PCNT: variants seen among roughly 807,000 people sequenced by gnomAD.
PCNT encodes the protein kendrin.
Under a neutral mutation model 380.4 loss-of-function variants are expected in PCNT, and 319 were observed. The observed-to-expected ratio is 0.84, with a 90% CI of 0.77 to 0.92. The LOEUF is 0.92. Ranked by LOEUF, PCNT falls within the 40% of genes least tolerant of loss-of-function variation. The pLI is 0.00. For missense variants in PCNT, 4,400 were observed against 4,255.3 expected (o/e 1.03, Z -0.95); for synonymous variants, 1,845 against 1,735.2 (o/e 1.06, Z -1.57).
intron 10 of PCNT, 126 bp from the exon 11 acceptor site, chr21:46,353,861 T>C (rs2146669380): frequency 1.3e-6 from 1 of 788,660 alleles, no homozygotes. Context: ...ACATGGACAT[T>C]GCCCGTCCTT....
At chr21:46,373,657 C>T (rs2147034315) in intron 15 of PCNT, among the ~76,000 whole-genome samples, 1 of 149,696 alleles carries the variant, frequency 6.7e-6, no homozygotes, top group Admixed American at 6.7e-5. Flanking sequence ...GATCTCTTGA[C>T]CTCGTGATCC....
At chr21:46,444,151 G>A (rs922170522) in intron 45 of PCNT, among the ~76,000 whole-genome samples, 19 of 152,196 alleles carry the variant, frequency 1.2e-4, no homozygotes, top group African/African-American at 4.3e-4. Flanking sequence ...TCTGGTGCCC[G>A]AGAGCCCGGT....
intron 15 of PCNT, among the ~76,000 whole-genome samples, chr21:46,379,024 G>C (rs2085421568): frequency 6.6e-6 from 1 of 152,148 alleles, no homozygotes; most frequent in South Asian, 2.1e-4. Context: ...ATTCAGGTCT[G>C]GTGCCTTATG....
chr21:46,418,869 G>A (rs1320221619), intron 31 of PCNT, among the ~76,000 whole-genome samples: 2 of 152,248 alleles, frequency 1.3e-5, no homozygotes, highest in Admixed American at 6.5e-5. Flanking sequence ...CCCGGACCTC[G>A]TGGCGGGAGG....
At chr21:46,443,591 C>T (rs1030261967) in intron 44 of PCNT, among the ~76,000 whole-genome samples, 20 of 152,284 alleles carry the variant, frequency 1.3e-4, no homozygotes, top group Admixed American at 7.2e-4. Context: ...CCCGCACTCC[C>T]CCGGAGACGG....
intron 21 of PCNT, among the ~76,000 whole-genome samples, chr21:46,393,915 T>C (rs2086120802): frequency 6.6e-6 from 1 of 152,198 alleles, no homozygotes. Context: ...AAGCTGAGGC[T>C]TACCATGGGC....
At chr21:46,401,410 G>A in intron 25 of PCNT, 141 bp from the exon 26 acceptor site, 1 of 712,158 alleles carries the variant, frequency 1.4e-6, no homozygotes, top group Non-Finnish European at 2.5e-6. Flanking sequence ...GTTGCCTGGT[G>A]TGTCACTGAG....
intron 16 of PCNT, among the ~76,000 whole-genome samples, chr21:46,384,638 CAG>C (rs1213490996): frequency 6.9e-6 from 1 of 144,044 alleles, no homozygotes; most frequent in Non-Finnish European, 1.5e-5. Context: ...GGTGTGCATT[CAG>C]GGGCGGAAGT....
At chr21:46,412,466 CTT>C (rs1216680256) in intron 28 of PCNT, among the ~76,000 whole-genome samples, 2 of 152,138 alleles carry the variant, frequency 1.3e-5, no homozygotes, top group African/African-American at 4.8e-5. Flanking sequence ...GCGAGCTCTT[CTT>C]TTGGAGCTGG....
At position 46,430,503 on chromosome 21, in the gene PCNT, G is replaced by C. The variant is rs76287849; in HGVS notation, c.7914-4G>C. On this transcript the variant is annotated splice_polypyrimidine_tract_variant and splice_region_variant and intron_variant, in intron 36 of 46. Coordinates refer to ENST00000359568, the MANE Select transcript of PCNT (RefSeq NM_006031.6). ...TCAGATTGTTCTGCGATGTCTCCAC[G>C]CAGATCCATGCTGAGCAGTAAGGAG... The C allele has an allele frequency of 1.0e-5, 16 of 1,550,710 alleles. No homozygotes were observed. In the South Asian group the frequency reaches 1.5e-4, roughly 15 times the overall value.
Position 46,411,356 on chromosome 21 carries a change from C to T in PCNT, c.5283C>T (p.His1761=), listed in dbSNP as rs763259541. 1.9e-6 allele frequency: 3 copies of T among 1,614,116 alleles called. No individual in the cohort carries two copies. The highest frequency in any genetic ancestry group is 4.5e-5 in the East Asian group (2 of 44,876). The change falls in exon 28 of 47, where the codon CAC becomes CAT. Residue 1761 remains histidine, a synonymous_variant. Transcript: ENST00000359568. ...HELSLMGPVV[H]EVSDSQAGSL... is the part of the protein sequence containing the mutation. ...TGTCCCTCATGGGGCCTGTGGTGCA[C>T]GAAGTCAGCGACAGTCAGGCTGGCA...
intron 20 of PCNT, 136 bp downstream of exon 20, chr21:46,390,968 T>C (rs2086010930): frequency 8.2e-7 from 1 of 1,218,102 alleles, no homozygotes; most frequent in East Asian, 2.5e-5. Flanking sequence ...GAGGCACCCA[T>C]GGTTTGGGAG....
chr21:46,409,333 C>T (rs933389761), intron 27 of PCNT, among the ~76,000 whole-genome samples: 45 of 151,006 alleles, frequency 3.0e-4, no homozygotes, highest in African/African-American at 1.1e-3. Context: ...GGATTACAGG[C>T]ACCTGCCACT....
At chr21:46,421,642 C>T (rs1386695716) in intron 31 of PCNT, among the ~76,000 whole-genome samples, 1 of 152,222 alleles carries the variant, frequency 6.6e-6, no homozygotes, top group Non-Finnish European at 1.5e-5. Flanking sequence ...TGAGCTTGCC[C>T]AGGCCATCTG....
At chr21:46,329,401 T>TA (rs1178545667) in intron 2 of PCNT, among the ~76,000 whole-genome samples, 1 of 152,238 alleles carries the variant, frequency 6.6e-6, no homozygotes, top group Non-Finnish European at 1.5e-5. Flanking sequence ...CAGAAAGGAA[T>TA]AGAGTTGTTG....
At chr21:46,424,607 G>A (rs1287170192) in intron 32 of PCNT, among the ~76,000 whole-genome samples, 1 of 152,232 alleles carries the variant, frequency 6.6e-6, no homozygotes, top group Non-Finnish European at 1.5e-5. Flanking sequence ...ATCTAGAAAA[G>A]CATATTAAAA....
At chr21:46,342,639 C>G (rs772947314) in intron 3 of PCNT, among the ~76,000 whole-genome samples, 23 of 151,636 alleles carry the variant, frequency 1.5e-4, no homozygotes, top group Non-Finnish European at 2.9e-4. Context: ...CTCCCGGGTT[C>G]AAGTGATTCT....
At position 46,326,370 on chromosome 21, in the gene PCNT, T is replaced by G; in HGVS notation, c.55-7T>G. 1.2e-6 allele frequency: 2 copies of G among 1,614,114 alleles called. No individual in the cohort carries two copies. The highest frequency in any genetic ancestry group is 1.7e-6 in the Non-Finnish European group (2 of 1,179,930). On this transcript the variant is annotated splice_region_variant and splice_polypyrimidine_tract_variant and intron_variant, in intron 1 of 46. Coordinates refer to ENST00000359568, the MANE Select transcript of PCNT (RefSeq NM_006031.6). ...TGCCTTTACTACTTATCTACATTTT[T>G]GCGCAGCTTGCTCACTTCCGACAGA...
Position 46,383,503 on chromosome 21 carries a change from A to C in PCNT, c.3312+1663A>C, listed in dbSNP as rs1440689053. Reference sequence around the variant, plus strand: ...GTTGTATATTCAGTGGCGGAAGCGCATTCACCATGTTGTATATTCAGTGGC... The same window carrying C: ...GTTGTATATTCAGTGGCGGAAGCGCCTTCACCATGTTGTATATTCAGTGGC... On this transcript the variant is annotated intron_variant, in intron 16 of 46. Transcript: ENST00000359568. Among the ~76,000 whole-genome samples the C allele has an allele frequency of 3.2e-4, 46 of 143,200 alleles. 1 individual carries two copies. Among genetic ancestry groups the C allele is most frequent in the Admixed American group, 1.7e-3 (24 of 14,202 alleles). The allele number at this position is 143,200 out of a possible 152,430, so 93.9% of individuals were successfully genotyped here.
Sources: gnomAD v4.1 joint callset for allele counts (sites outside exome capture counted in the v4.1 genomes callset) on GRCh38, gnomAD v4.1.1 for gene constraint, MANE v1.5 for transcripts, NCBI Gene and HGNC (gene_info 2026-07-23, HGNC 2026-07-21) for gene names.